Variants in MACROD2 observed in about 807,000 individuals in gnomAD.
MACROD2 encodes ADP-ribose glycohydrolase MACROD2.
Under a neutral mutation model 70.4 loss-of-function variants are expected in MACROD2, and 36 were observed. The observed-to-expected ratio is 0.51, with a 90% CI of 0.39 to 0.68. The LOEUF is 0.68. Among genes scored for constraint, MACROD2 ranks in the 30% least tolerant of loss-of-function variants. The probability of loss-of-function intolerance (pLI) is 0.00; values close to 1 mark genes in which losing one functional copy is unlikely to be tolerated. For missense variants in MACROD2, 496 were observed against 538.4 expected, an observed-to-expected ratio of 0.92 and a Z score of 0.78; for synonymous variants, 172 against 178.8, an observed-to-expected ratio of 0.96 and a Z score of 0.30.
chr20:14,909,362 G>C (rs2122585785), intron 5 of MACROD2, among the ~76,000 whole-genome samples: 1 of 152,170 alleles, frequency 6.6e-6, no homozygotes, highest in East Asian at 1.9e-4. Context: ...TCTGATGGAT[G>C]TTATTAGGTC....
At chr20:15,102,728 A>C (rs2123198251) in intron 5 of MACROD2, among the ~76,000 whole-genome samples, 1 of 42,032 alleles carries the variant, frequency 2.4e-5, no homozygotes, top group Middle Eastern at 0.011. Flanking sequence ...TTGTAGATAA[A>C]CTCCCACGTG....
intron 12 of MACROD2, among the ~76,000 whole-genome samples, chr20:15,963,306 C>G (rs544814843): frequency 2.6e-5 from 4 of 152,050 alleles, no homozygotes; most frequent in Non-Finnish European, 5.9e-5. Flanking sequence ...ATTAGAAGTT[C>G]TACGCCAAAA....
At chr20:15,226,877 AC>A (rs2076911071) in intron 5 of MACROD2, among the ~76,000 whole-genome samples, 1 of 152,140 alleles carries the variant, frequency 6.6e-6, no homozygotes, top group South Asian at 2.1e-4. Flanking sequence ...GCACTTGATG[AC>A]TAAGGGGCTG....
At chr20:14,228,931 T>C (rs566372345) in intron 3 of MACROD2, among the ~76,000 whole-genome samples, 1,734 of 146,334 alleles carry the variant, frequency 0.012, 29 homozygotes, top group Middle Eastern at 0.038. Context: ...TGCTTGAACC[T>C]GGGAGGCAGC....
At chr20:14,787,396 C>G (rs895235981) in intron 5 of MACROD2, among the ~76,000 whole-genome samples, 1 of 152,066 alleles carries the variant, frequency 6.6e-6, no homozygotes, top group African/African-American at 2.4e-5. Context: ...AGCCTTTTTC[C>G]TCTGCCTGGG....
At chr20:15,335,213 C>A (rs2078035281) in intron 6 of MACROD2, among the ~76,000 whole-genome samples, 2 of 151,772 alleles carry the variant, frequency 1.3e-5, no homozygotes, top group African/African-American at 2.4e-5. Context: ...TGCTTAGTGA[C>A]TTGCTCTTTA....
At chr20:15,802,104 T>C (rs1198668834) in intron 8 of MACROD2, among the ~76,000 whole-genome samples, 2 of 152,138 alleles carry the variant, frequency 1.3e-5, no homozygotes, top group Non-Finnish European at 2.9e-5. Context: ...TTCAGTGAAA[T>C]TTTTAGGTTA....
rs546183321 is a variant in MACROD2 at position 15,740,186 on chromosome 20, T to C, written c.646-122559T>C. Among the ~76,000 whole-genome samples the C allele has an allele frequency of 3.3e-5, 5 of 152,338 alleles. No individual in the cohort carries two copies. The South Asian group carries it at 1.0e-3, about 32-fold the overall frequency. On this transcript the variant is annotated intron_variant, in intron 8 of 17. Coordinates refer to ENST00000684519, the MANE Select transcript of MACROD2 (RefSeq NM_001351661.2). ...GAGGGTTCTTTGAGACTTGGAATGC[T>C]ATCTGTGATTTCTGTCTTTGTTTCA...
chr20:14,658,699 C>T (rs1394532716), intron 4 of MACROD2, among the ~76,000 whole-genome samples: 20 of 152,152 alleles, frequency 1.3e-4, no homozygotes, highest in Admixed American at 3.9e-4. Context: ...CTGCAACCTC[C>T]GCCTACCAGG....
chr20:14,354,754 C>T (rs1475624023), intron 3 of MACROD2, among the ~76,000 whole-genome samples: 1 of 152,086 alleles, frequency 6.6e-6, no homozygotes, highest in Non-Finnish European at 1.5e-5. Context: ...CCTTGTTCCC[C>T]TCTCTCCCTT....
chr20:15,691,475 A>G (rs1222359294), intron 8 of MACROD2, among the ~76,000 whole-genome samples: 4 of 152,200 alleles, frequency 2.6e-5, no homozygotes, highest in African/African-American at 7.2e-5. Flanking sequence ...TGGGACCTGT[A>G]TCCTTTGGAG....
At position 15,216,519 on chromosome 20, in the gene MACROD2, G is replaced by A. The variant is rs1244257091; in HGVS notation, c.419-13421G>A. Among the ~76,000 whole-genome samples the A allele has an allele frequency of 4.6e-5, 7 of 151,900 alleles. No homozygotes were observed. In the South Asian group the frequency reaches 6.2e-4, roughly 14 times the overall value. The stretch of plus-strand genomic sequence containing the variant: ...GAATGAAGAAAAATCTTCAACATTC[G>A]GAGAGAAAAAATAATTTTTAAAAAT... On this transcript the variant is annotated intron_variant, in intron 5 of 17. Transcript: ENST00000684519.
chr20:14,907,630 G>C (rs924870062), intron 5 of MACROD2, among the ~76,000 whole-genome samples: 9 of 152,120 alleles, frequency 5.9e-5, no homozygotes, highest in African/African-American at 2.2e-4. Context: ...TATGGCCCAG[G>C]CATAAGGAAT....
chr20:14,058,832 C>T (rs1377568873), intron 2 of MACROD2, among the ~76,000 whole-genome samples: 3 of 151,728 alleles, frequency 2.0e-5, no homozygotes, highest in Admixed American at 6.6e-5. Context: ...TTAGTAGAGA[C>T]GAGGTTTCAC....
intron 3 of MACROD2, among the ~76,000 whole-genome samples, chr20:14,230,669 C>CTATATATATATA (rs71190120): frequency 9.7e-5 from 9 of 92,916 alleles, no homozygotes; most frequent in African/African-American, 3.6e-4. Flanking sequence ...CAGGCTGGGC[C>CTATATATATATA]TATATATATA....
intron 4 of MACROD2, among the ~76,000 whole-genome samples, chr20:14,544,033 C>T (rs1022787171): frequency 1.3e-5 from 2 of 152,108 alleles, no homozygotes; most frequent in Non-Finnish European, 2.9e-5. Flanking sequence ...AAGACATTAT[C>T]CCTGCTCTAA....
rs151000853 is a variant in MACROD2, at chr20:15,670,171, G to A, written c.645+170324G>A. Reference sequence around the variant, plus strand: ...GGGAAGCAACTATCTAGATTGGAAAGGTTAAAACGAAGGAATCGGAAAGCA... The same window carrying A: ...GGGAAGCAACTATCTAGATTGGAAAAGTTAAAACGAAGGAATCGGAAAGCA... On this transcript the variant is annotated intron_variant, in intron 8 of 17. Transcript: ENST00000684519. Among the ~76,000 whole-genome samples, 408 of 152,308 alleles carry A rather than the reference G, an allele frequency of 2.7e-3. 1 individual carries two copies. The highest frequency in any genetic ancestry group is 4.3e-3 in the Non-Finnish European group (294 of 68,030).
intron 2 of MACROD2, among the ~76,000 whole-genome samples, chr20:14,015,423 A>G (rs141919363): frequency 4.3e-4 from 65 of 152,292 alleles, no homozygotes; most frequent in African/African-American, 1.6e-3. Context: ...CTCTAAAATG[A>G]ACATTCAAAA....
chr20:15,527,853 CT>C (rs1238138220), intron 8 of MACROD2, among the ~76,000 whole-genome samples: 1 of 152,204 alleles, frequency 6.6e-6, no homozygotes, highest in Non-Finnish European at 1.5e-5. Flanking sequence ...CCTTCAGTGC[CT>C]TCTGTCTTTT....
Sources: gnomAD v4.1 joint callset for allele counts (sites outside exome capture counted in the v4.1 genomes callset) on GRCh38, gnomAD v4.1.1 for gene constraint, MANE v1.5 for transcripts, NCBI Gene and HGNC (gene_info 2026-07-23, HGNC 2026-07-21) for gene names.